The following ROR2 variants were observed in gnomAD, a reference collection of about 807,000 sequenced individuals.
The protein encoded by ROR2 is ROR family WNT receptor 2, also known as tyrosine-protein kinase transmembrane receptor ROR2.
ROR2 carries 33 observed loss-of-function variants against 74.9 expected under a neutral mutation model. That is an observed-to-expected ratio of 0.44 (90% CI 0.33 to 0.59). The LOEUF is 0.59. ROR2 is among the 20% of genes least tolerant of loss of function. The probability of loss-of-function intolerance (pLI) is 0.02; values close to 1 mark genes in which losing one functional copy is unlikely to be tolerated. For missense variants in ROR2, 1,216 were observed against 1,313.8 expected (o/e 0.93, Z 1.15); for synonymous variants, 586 against 558.7 (o/e 1.05, Z -0.69).
chr9:91,840,047 T>G (rs1165302758), intron 1 of ROR2, among the ~76,000 whole-genome samples: 1 of 152,122 alleles, frequency 6.6e-6, no homozygotes, highest in African/African-American at 2.4e-5. Context: ...CTGCCCAGCA[T>G]TTCTCAGGGA....
intron 1 of ROR2, among the ~76,000 whole-genome samples, chr9:91,866,415 GTCTTTTT>G (rs1829634017): frequency 1.7e-5 from 2 of 117,152 alleles, no homozygotes; most frequent in Non-Finnish European, 3.3e-5. Flanking sequence ...ACCACGCCCA[GTCTTTTT>G]TTTTTTTTTT....
rs118071653 is a variant in ROR2, at chr9:91,842,275, T to C, written c.98-66457A>G. ...CGAGCATACTCCTGATCCCCAAGTGTCACAAACATCTACTGTCCTGATTAC... is the reference window on the plus strand; with the variant it reads ...CGAGCATACTCCTGATCCCCAAGTGCCACAAACATCTACTGTCCTGATTAC... On this transcript the variant is annotated intron_variant, in intron 1 of 8. Coordinates refer to ENST00000375708, the MANE Select transcript of ROR2 (RefSeq NM_004560.4). Among the ~76,000 whole-genome samples, 6 of 152,320 alleles carry C rather than the reference T, an allele frequency of 3.9e-5. No homozygotes were observed. In the East Asian group the frequency reaches 1.2e-3, roughly 29 times the overall value.
At chr9:91,921,674 G>A (rs764866827) in intron 1 of ROR2, among the ~76,000 whole-genome samples, 3 of 152,092 alleles carry the variant, frequency 2.0e-5, no homozygotes, top group Non-Finnish European at 2.9e-5. Flanking sequence ...GACCAGCCTG[G>A]CCAACATGGT....
chr9:91,874,905 C>A (rs1829913345), intron 1 of ROR2, among the ~76,000 whole-genome samples: 1 of 151,662 alleles, frequency 6.6e-6, no homozygotes, highest in African/African-American at 2.4e-5. Context: ...TGCACTCCAG[C>A]CTGGGCAACA....
At chr9:91,806,896 T>C (rs1210221771) in intron 1 of ROR2, among the ~76,000 whole-genome samples, 3 of 152,176 alleles carry the variant, frequency 2.0e-5, no homozygotes, top group South Asian at 4.1e-4. Flanking sequence ...GCCGATCATA[T>C]TGAGTTTTGT....
chr9:91,821,122 G>A (rs900992416), intron 1 of ROR2, among the ~76,000 whole-genome samples: 1 of 151,860 alleles, frequency 6.6e-6, no homozygotes, highest in South Asian at 2.1e-4. Context: ...AAAAGAAGGG[G>A]AAGTGAGGAC....
intron 1 of ROR2, among the ~76,000 whole-genome samples, chr9:91,916,862 T>C (rs976840482): frequency 5.3e-5 from 8 of 152,114 alleles, no homozygotes; most frequent in Admixed American, 4.6e-4. Flanking sequence ...GCCACCAACA[T>C]GGTAGAAAGA....
chr9:91,901,289 T>C (rs1830671877), intron 1 of ROR2, among the ~76,000 whole-genome samples: 1 of 148,576 alleles, frequency 6.7e-6, no homozygotes, highest in Non-Finnish European at 1.5e-5. Context: ...TGCATGTCAG[T>C]AGTTTGTGAA....
At chr9:91,777,899 G>A (rs911847051) in intron 1 of ROR2, among the ~76,000 whole-genome samples, 2 of 152,160 alleles carry the variant, frequency 1.3e-5, no homozygotes, top group African/African-American at 4.8e-5. Flanking sequence ...GCTGTACCAC[G>A]GGATTAGTAA....
chr9:91,814,891 G>A (rs1374058529), intron 1 of ROR2, among the ~76,000 whole-genome samples: 1 of 152,192 alleles, frequency 6.6e-6, no homozygotes, highest in Non-Finnish European at 1.5e-5. Context: ...CTGAAACCCA[G>A]GCCCGGCTGG....
Position 91,950,152 on chromosome 9 carries a change from A to G in ROR2, c.-189T>C, listed in dbSNP as rs1374904825. The G allele has an allele frequency of 5.2e-6, 2 of 385,650 alleles. No individual in the cohort carries two copies. The highest frequency in any genetic ancestry group is 4.5e-6 in the Non-Finnish European group (1 of 220,456). The allele number at this position is 385,650 out of a possible 1,614,324, so 23.9% of individuals were successfully genotyped here. On this transcript the variant is annotated 5_prime_UTR_variant, in exon 1 of 9. Coordinates refer to ENST00000375708, the MANE Select transcript of ROR2 (RefSeq NM_004560.4). ...TGCGCCGCTCGGCTCCGGCCACGGC[A>G]AGGGCTGGCTGGGGAGGTTCCTTGG...
At chr9:91,883,558 CA>C (rs1389644986) in intron 1 of ROR2, among the ~76,000 whole-genome samples, 1 of 152,108 alleles carries the variant, frequency 6.6e-6, no homozygotes, top group Non-Finnish European at 1.5e-5. Flanking sequence ...TTCCAGTGCT[CA>C]ATAGGGACAT....
At position 91,722,666 on chromosome 9, in the gene ROR2, G is replaced by T. The variant is rs181673474; in HGVS notation, c.*996C>A. The T allele has an allele frequency of 2.7e-5, 21 of 777,574 alleles. No individual in the cohort carries two copies. The highest frequency in any genetic ancestry group is 4.1e-5 in the Non-Finnish European group (17 of 416,908). 48.2% of individuals were successfully genotyped at this position (777,574 alleles called of 1,614,324 possible). A position where few individuals can be genotyped will look rare whatever the true frequency, so the allele number is the denominator to read the frequency against. ...TACAAATAGGACCAACAATGTGTGCGGGGCACAGACGGCTGCCTGTGGGTC... is the reference window on the plus strand; with the variant it reads ...TACAAATAGGACCAACAATGTGTGCTGGGCACAGACGGCTGCCTGTGGGTC... On this transcript the variant is annotated 3_prime_UTR_variant, in exon 9 of 9. Transcript: ENST00000375708.
chr9:91,888,939 TC>T (rs746216213), intron 1 of ROR2, among the ~76,000 whole-genome samples: 107 of 152,212 alleles, frequency 7.0e-4, no homozygotes, highest in Middle Eastern at 3.4e-3. Flanking sequence ...TTATGGCTCT[TC>T]CATTTTTTTC....
At chr9:91,846,565 C>A (rs1393979504) in intron 1 of ROR2, among the ~76,000 whole-genome samples, 1 of 152,170 alleles carries the variant, frequency 6.6e-6, no homozygotes, top group Admixed American at 6.5e-5. Context: ...GCCTACAGAG[C>A]AGACTTTCTG....
chr9:91,760,278 G>C lies in ROR2; in HGVS notation c.176-2719C>G, dbSNP rs117893184. Among the ~76,000 whole-genome samples the C allele has an allele frequency of 2.5e-3, 383 of 152,314 alleles. 1 individual carries two copies. Among genetic ancestry groups the C allele is most frequent in the Non-Finnish European group, 4.3e-3 (293 of 68,028 alleles). Reference sequence around the variant, plus strand: ...CCCTCCCCACTAAATCACTTGGCTTGTTGCTGTGGCAACATCACATTTGTT... The same window carrying C: ...CCCTCCCCACTAAATCACTTGGCTTCTTGCTGTGGCAACATCACATTTGTT... On this transcript the variant is annotated intron_variant, in intron 2 of 8. Transcript: ENST00000375708.
intron 1 of ROR2, among the ~76,000 whole-genome samples, chr9:91,878,340 G>A (rs78870900): frequency 0.015 from 2,351 of 152,236 alleles, 42 homozygotes; most frequent in East Asian, 0.058. Context: ...ACCTGGTGAG[G>A]ATGATTCACC....
intron 1 of ROR2, among the ~76,000 whole-genome samples, chr9:91,873,542 C>T (rs1290968477): frequency 2.6e-5 from 4 of 152,080 alleles, no homozygotes; most frequent in African/African-American, 7.2e-5. Flanking sequence ...GAGCCAAGAT[C>T]GTGCCACTGC....
chr9:91,824,185 C>T (rs752470782), intron 1 of ROR2, among the ~76,000 whole-genome samples: 1 of 152,250 alleles, frequency 6.6e-6, no homozygotes, highest in Non-Finnish European at 1.5e-5. Context: ...CCATTACCGG[C>T]ATCTTACAGA....
Sources: allele counts gnomAD v4.1 joint callset (sites outside exome capture counted in the v4.1 genomes callset), GRCh38; gene constraint gnomAD v4.1.1; transcripts MANE v1.5; gene names NCBI Gene and HGNC (gene_info 2026-07-23, HGNC 2026-07-21).